PLEC: variants seen among roughly 807,000 people sequenced by gnomAD.
PLEC encodes hemidesmosomal protein 1.
A neutral mutation model predicts 392.8 loss-of-function variants in PLEC; 216 were observed. The ratio of observed to expected loss-of-function variants is 0.55; its 90% CI spans 0.49 to 0.62. The LOEUF (loss-of-function observed/expected upper bound fraction) is 0.62, where lower values mean the gene tolerates loss of function less well. PLEC is among the 20% of genes least tolerant of loss of function. PLEC has a pLI of 0.00. For synonymous variants in PLEC, 3,621 were observed against 2,980.6 expected (o/e 1.21, Z -7.00); for missense variants, 6,863 against 6,563.4 (o/e 1.05, Z -1.58).
At chr8:143,957,316 C>T (rs782175176), upstream of PLEC, among the ~76,000 whole-genome samples, 21 of 152,188 alleles carry the variant, frequency 1.4e-4, no homozygotes, top group Admixed American at 3.3e-4. Context: ...CGAAGAAGCA[C>T]GCGGGTCTGT....
intron 19 of PLEC, among the ~76,000 whole-genome samples, chr8:143,930,880 G>A (rs1554714500): frequency 6.6e-6 from 1 of 152,128 alleles, no homozygotes; most frequent in African/African-American, 2.4e-5. Flanking sequence ...CTCTGCGGGG[G>A]CCAGGCCGCA....
rs572481168 is a variant in PLEC at position 143,934,013 on chromosome 8, G to C, written c.1248C>G (p.Asp416Glu). Reference protein sequence around the residue: ...GLCEEQLNQADALLQSDVRLL... With the variant: ...GLCEEQLNQAEALLQSDVRLL... ...ACCCCCTCACCGACTGCAGCAGGGC[G>C]TCGGCCTGGTTCAGCTGCTCCTCAC... Residue 416 changes from aspartate (D) to glutamate (E), a missense_variant, in exon 12 of 32, where the codon GAC (aspartate) becomes GAG (glutamate). Transcript: ENST00000345136. 14 of 1,607,780 alleles carry C rather than the reference G, an allele frequency of 8.7e-6. No homozygotes were observed. In the African/African-American group the frequency reaches 1.1e-4, roughly 13 times the overall value.
At chr8:143,952,999 C>T (rs1289623599), upstream of PLEC, among the ~76,000 whole-genome samples, 1 of 139,514 alleles carries the variant, frequency 7.2e-6, no homozygotes, top group African/African-American at 2.6e-5. Flanking sequence ...CCACCCCCCC[C>T]CGCCTCGCAG....
In PLEC at chr8:143,921,447, T is replaced by C. The variant is rs782423816; in HGVS notation, c.8374A>G (p.Met2792Val). 5.0e-6 allele frequency: 8 copies of C among 1,613,286 alleles called. No homozygotes were observed. Among genetic ancestry groups the C allele is most frequent in the Non-Finnish European group, 5.9e-6 (7 of 1,179,810 alleles). The change falls in exon 32 of 32, where the codon ATG becomes GTG. Residue 2792 changes from methionine (M) to valine (V), a missense_variant. Transcript: ENST00000345136. ...TCCCGGACGATGAGGCCCTTCTGCATGGCTTGGAAGAGAGAGATCTGCTGG... is the reference window on the plus strand; with the variant it reads ...TCCCGGACGATGAGGCCCTTCTGCACGGCTTGGAAGAGAGAGATCTGCTGG... ...TGQQISLFQA[M>V]QKGLIVREHG...
At chr8:143,976,353 C>T (rs1833661426), upstream of PLEC, among the ~76,000 whole-genome samples, 1 of 152,124 alleles carries the variant, frequency 6.6e-6, no homozygotes, top group Admixed American at 6.5e-5. Context: ...TCTGTGCCTC[C>T]GCCCTCAGGC....
At position 143,925,694 on chromosome 8, in the gene PLEC, T is replaced by C. The variant is rs782114006; in HGVS notation, c.4235A>G (p.Gln1412Arg). 9 of 1,592,152 alleles carry C rather than the reference T, an allele frequency of 5.7e-6. No homozygotes were observed. Among genetic ancestry groups the C allele is most frequent in the Non-Finnish European group, 7.6e-6 (9 of 1,176,630 alleles). The change falls in exon 31 of 32, where the codon CAG (glutamine) becomes CGG (arginine). Residue 1412 changes from glutamine to arginine, a missense_variant. By Grantham distance (43) the Gln-to-Arg change is conservative. Coordinates refer to ENST00000345136, the MANE Select transcript of PLEC (RefSeq NM_201384.3). ...VRREEAAVDAQQQKRSIQEEL... is the reference protein window; with the variant it reads ...VRREEAAVDARQQKRSIQEEL... ...CTCCTGAATGCTGCGCTTCTGCTGC[T>C]GCGCGTCCACCGCCGCCTCCTCCCG...
chr8:143,950,695 G>T (rs1554735919), exon 1 of PLEC: 1 of 1,565,494 alleles, frequency 6.4e-7, no homozygotes. Context: ...GCATGAGCAT[G>T]CCGGCCACCA....
At chr8:143,965,219 C>A (rs1833031518) in intron 1 of PLEC, among the ~76,000 whole-genome samples, 1 of 152,148 alleles carries the variant, frequency 6.6e-6, no homozygotes, top group Non-Finnish European at 1.5e-5. Context: ...CATCCCATTC[C>A]TGGTCCTGGG....
chr8:143,935,284 T>C lies in PLEC; in HGVS notation c.632A>G (p.Tyr211Cys). 2 of 1,608,760 alleles carry C rather than the reference T, an allele frequency of 1.2e-6. No individual in the cohort carries two copies. Among genetic ancestry groups the C allele is most frequent in the Middle Eastern group, 1.7e-4 (1 of 6,044 alleles). The change falls in exon 7 of 32, where the codon TAC becomes TGC. Residue 211 changes from tyrosine (Y) to cysteine (C), a missense_variant. Tyr to Cys is a radical substitution (Grantham distance 194). Coordinates refer to ENST00000345136, the MANE Select transcript of PLEC (RefSeq NM_201384.3). ...CAGGTTCTCCAGGTTGGTCTGCCGGTACACCTTGTTCATGTCGATGAGCAG... is the reference window on the plus strand; with the variant it reads ...CAGGTTCTCCAGGTTGGTCTGCCGGCACACCTTGTTCATGTCGATGAGCAG... ...KPLLIDMNKVYRQTNLENLDQ... is the reference protein window; with the variant it reads ...KPLLIDMNKVCRQTNLENLDQ...
At chr8:143,951,091 G>A (rs1168117365), upstream of PLEC, among the ~76,000 whole-genome samples, 2 of 152,320 alleles carry the variant, frequency 1.3e-5, no homozygotes, top group Non-Finnish European at 2.9e-5. Flanking sequence ...CAGGCCCCAC[G>A]GCTCCAACGT....
Position 143,929,466 on chromosome 8 carries a change from G to A in PLEC, c.3029C>T (p.Pro1010Leu), listed in dbSNP as rs782808621. The A allele has an allele frequency of 2.9e-5, 46 of 1,596,992 alleles. No homozygotes were observed. In the East Asian group the frequency reaches 6.3e-4, roughly 22 times the overall value. Residue 1010 changes from proline to leucine, a missense_variant, in exon 24 of 32, where the codon CCG (proline) becomes CTG (leucine). By Grantham distance (98) the Pro-to-Leu change is moderately conservative. Coordinates refer to ENST00000345136, the MANE Select transcript of PLEC (RefSeq NM_201384.3). Reference protein sequence around the residue: ...ETRTVHRLRLPLDKEPARECA... With the variant: ...ETRTVHRLRLLLDKEPARECA... ...CTCCCGTGCCGGCTCTTTGTCCAGC[G>A]GCAGCCGCAGGCGGTGCACGGTGCG...
At position 143,918,274 on chromosome 8, in the gene PLEC, C is replaced by T. The variant is rs546817334; in HGVS notation, c.11547G>A (p.Pro3849=). The change falls in exon 32 of 32, where the codon CCG becomes CCA. Residue 3849 remains proline, a synonymous_variant. Coordinates refer to ENST00000345136, the MANE Select transcript of PLEC (RefSeq NM_201384.3). ...EPSEVRSYVD[P]STDERLSYTQ... is the part of the protein sequence containing the mutation. ...TGTAGCTGAGGCGCTCGTCGGTGGA[C>T]GGGTCCACGTAGCTGCGCACCTCGC... is the stretch of plus-strand genomic sequence containing the variant. 6.2e-5 allele frequency: 98 copies of T among 1,592,508 alleles called. 1 individual carries two copies. Among genetic ancestry groups the T allele is most frequent in the South Asian group, 2.1e-4 (19 of 90,394 alleles).
At chr8:143,942,532 G>A, upstream of PLEC, 3 of 1,553,232 alleles carry the variant, frequency 1.9e-6, no homozygotes, top group Non-Finnish European at 2.6e-6. Flanking sequence ...CACGGCCGGA[G>A]CCCTGGTTCG....
At chr8:143,943,541 C>T (rs1427066616), upstream of PLEC, among the ~76,000 whole-genome samples, 8 of 152,288 alleles carry the variant, frequency 5.3e-5, no homozygotes, top group East Asian at 1.9e-4. Context: ...TGCCGGCCTC[C>T]GCTTCCACCC....
At chr8:143,932,101 C>T (rs781831693) in intron 17 of PLEC, 29 bp downstream of exon 17, 1 of 1,592,408 alleles carries the variant, frequency 6.3e-7, no homozygotes, top group Non-Finnish European at 8.5e-7. Flanking sequence ...GCCCCCCCCG[C>T]AGCCCCGCCC....
upstream of PLEC, chr8:143,943,725 C>A: frequency 1.3e-6 from 2 of 1,519,226 alleles, no homozygotes; most frequent in South Asian, 1.2e-5. Context: ...GGGCGGGAGG[C>A]AGGCGGCCCC....
chr8:143,935,291 T>C lies in PLEC; in HGVS notation c.625A>G (p.Lys209Glu). ...RHKPLLIDMNKVYRQTNLENL... is the reference protein window; with the variant it reads ...RHKPLLIDMNEVYRQTNLENL... ...TCCAGGTTGGTCTGCCGGTACACCT[T>C]GTTCATGTCGATGAGCAGGGGCCTG... The change falls in exon 7 of 32, where the codon AAG (lysine) becomes GAG (glutamate). Residue 209 changes from lysine (K) to glutamate (E), a missense_variant. Transcript: ENST00000345136. 6.2e-7 allele frequency: 1 copy of C among 1,607,264 alleles called. No homozygotes were observed. The highest frequency in any genetic ancestry group is 8.5e-7 in the Non-Finnish European group (1 of 1,179,822).
rs893559839 is a variant in PLEC at position 143,934,074 on chromosome 8, C to T, written c.1187G>A (p.Arg396His). Residue 396 changes from arginine to histidine, a missense_variant, in exon 12 of 32, where the codon CGC becomes CAC. Transcript: ENST00000345136. ...CTCCATCTGCAGCTTGGTCACGATG[C>T]GCTGAAGACACTCCAGCCTGCAGCA... Reference protein sequence around the residue: ...SEFERLECLQRIVTKLQMEAG... With the variant: ...SEFERLECLQHIVTKLQMEAG... 2.5e-6 allele frequency: 4 copies of T among 1,611,558 alleles called. No homozygotes were observed. The South Asian group carries it at 3.3e-5, about 13-fold the overall frequency.
upstream of PLEC, chr8:143,953,695 C>G: frequency 6.2e-7 from 1 of 1,604,464 alleles, no homozygotes; most frequent in Non-Finnish European, 8.5e-7. Context: ...GGTCCGCGCC[C>G]CCCGGCTCGG....
Sources: allele counts gnomAD v4.1 joint callset (sites outside exome capture counted in the v4.1 genomes callset), GRCh38; gene constraint gnomAD v4.1.1; transcripts MANE v1.5; gene names NCBI Gene and HGNC (gene_info 2026-07-23, HGNC 2026-07-21).